The following FBLN7 variants were observed in gnomAD, a reference collection of about 807,000 sequenced individuals.
The protein encoded by FBLN7 is fibulin 7, also known as fibulin-7.
In FBLN7, 31 loss-of-function variants were observed where a neutral mutation model predicts 44.0. The ratio of observed to expected loss-of-function variants is 0.70; its 90% CI spans 0.53 to 0.95. The LOEUF (loss-of-function observed/expected upper bound fraction) is 0.95, where lower values mean the gene tolerates loss of function less well. Among genes scored for constraint, FBLN7 ranks in the 40% least tolerant of loss-of-function variants. FBLN7 has a pLI of 0.00. For missense variants in FBLN7, 573 were observed against 618.5 expected, an observed-to-expected ratio of 0.93 and a Z score of 0.78; for synonymous variants, 262 against 253.4, an observed-to-expected ratio of 1.03 and a Z score of -0.32.
the FBLN7 span, among the ~76,000 whole-genome samples, chr2:112,225,946 G>T: frequency 1.3e-5 from 2 of 151,992 alleles, no homozygotes; most frequent in Non-Finnish European, 2.9e-5. Flanking sequence ...GCCGGGTGTG[G>T]TGGCGCACAC....
chr2:112,174,156 C>T (rs937755280), intron 3 of FBLN7, among the ~76,000 whole-genome samples: 19 of 152,198 alleles, frequency 1.2e-4, no homozygotes, highest in African/African-American at 3.9e-4. Context: ...TTCCAGACTA[C>T]GCTGGTGGGC....
intron 1 of FBLN7, among the ~76,000 whole-genome samples, chr2:112,143,901 TG>T (rs1316326476): frequency 2.6e-5 from 4 of 152,210 alleles, no homozygotes; most frequent in African/African-American, 7.2e-5. Context: ...GTCATATAAA[TG>T]GAAAAGAGTA....
At chr2:112,227,785 C>A in the FBLN7 span, among the ~76,000 whole-genome samples, 3 of 151,522 alleles carry the variant, frequency 2.0e-5, no homozygotes, top group African/African-American at 4.8e-5. Flanking sequence ...TACACTTGTA[C>A]AGTGAAAATT....
At chr2:112,190,579 CAT>C (rs1427391192), downstream of FBLN7, 2 of 152,130 alleles carry the variant, frequency 1.3e-5, no homozygotes, top group East Asian at 3.8e-4. Flanking sequence ...CTGATGTTAT[CAT>C]GTGTGTTATC....
At chr2:112,215,034 A>G in the FBLN7 span, 1 of 151,996 alleles carries the variant, frequency 6.6e-6, no homozygotes, top group African/African-American at 2.4e-5. Flanking sequence ...TATAACAATT[A>G]TTTTTTTCCT....
chr2:112,218,679 T>TAG, the FBLN7 span, among the ~76,000 whole-genome samples: 19 of 151,768 alleles, frequency 1.3e-4, no homozygotes, highest in East Asian at 1.7e-3. Flanking sequence ...TTTGGAAACA[T>TAG]AGAGAGAGAG....
chr2:112,236,299 T>C, the FBLN7 span, among the ~76,000 whole-genome samples: 1 of 152,090 alleles, frequency 6.6e-6, no homozygotes, highest in African/African-American at 2.4e-5. Flanking sequence ...AAGGAGCTTG[T>C]GTGCATATAT....
chr2:112,227,386 G>A, the FBLN7 span, among the ~76,000 whole-genome samples: 20 of 152,292 alleles, frequency 1.3e-4, no homozygotes, highest in South Asian at 3.3e-3. Context: ...TTAGCCGGGC[G>A]TGGTGGCAGA....
chr2:112,226,831 C>T, the FBLN7 span, among the ~76,000 whole-genome samples: 2 of 151,906 alleles, frequency 1.3e-5, no homozygotes, highest in Admixed American at 1.3e-4. Flanking sequence ...AAAATATTAG[C>T]CAATGAAATC....
At chr2:112,198,573 G>A in the FBLN7 span, among the ~76,000 whole-genome samples, 1 of 151,818 alleles carries the variant, frequency 6.6e-6, no homozygotes, top group Non-Finnish European at 1.5e-5. Context: ...GGAGACAGAG[G>A]TTGCAGTGAG....
chr2:112,235,162 C>T, the FBLN7 span, among the ~76,000 whole-genome samples: 1 of 152,184 alleles, frequency 6.6e-6, no homozygotes, highest in Non-Finnish European at 1.5e-5. Context: ...CAAATTTTTG[C>T]ATACAGTTTT....
the FBLN7 span, among the ~76,000 whole-genome samples, chr2:112,221,699 C>T: frequency 0.011 from 1,700 of 152,120 alleles, 17 homozygotes; most frequent in Non-Finnish European, 0.019. Context: ...CTAGTGTGTT[C>T]TTCAGCTTTA....
intron 1 of FBLN7, among the ~76,000 whole-genome samples, chr2:112,140,001 C>T (rs1263647505): frequency 1.1e-5 from 1 of 91,522 alleles, no homozygotes; most frequent in Non-Finnish European, 2.1e-5. Context: ...TCCCTCCCGC[C>T]TCTCTCCAGG....
the FBLN7 span, among the ~76,000 whole-genome samples, chr2:112,195,296 GA>G: frequency 6.6e-6 from 1 of 152,214 alleles, no homozygotes; most frequent in African/African-American, 2.4e-5. Flanking sequence ...TCTTTAGGGG[GA>G]AAGTGTGCTC....
chr2:112,197,266 CACACACACAG>C, the FBLN7 span, among the ~76,000 whole-genome samples: 43 of 130,164 alleles, frequency 3.3e-4, no homozygotes, highest in South Asian at 5.3e-4. Flanking sequence ...CACACACACA[CACACACACAG>C]AGAGAGAGAG....
chr2:112,182,028 G>C (rs1247645961), intron 5 of FBLN7, 152 bp downstream of exon 5: 7 of 952,434 alleles, frequency 7.3e-6, no homozygotes, highest in African/African-American at 1.7e-5. Flanking sequence ...GGTAAGTGTT[G>C]ACCTAGTGAT....
downstream of FBLN7, among the ~76,000 whole-genome samples, chr2:112,191,506 CCT>C (rs1419317993): frequency 6.6e-6 from 1 of 152,038 alleles, no homozygotes; most frequent in East Asian, 1.9e-4. Context: ...CTTCATTGAT[CCT>C]CTATCTGCTC....
chr2:112,238,080 T>C, the FBLN7 span, among the ~76,000 whole-genome samples: 1 of 152,254 alleles, frequency 6.6e-6, no homozygotes, highest in East Asian at 1.9e-4. Flanking sequence ...GTCAGGGCCT[T>C]TGATAACCCA....
In FBLN7 at chr2:112,187,664, T is replaced by G; in HGVS notation, c.*158T>G. 1.0e-6 allele frequency: 1 copy of G among 983,194 alleles called. No homozygotes were observed. The highest frequency in any genetic ancestry group is 1.6e-5 in the African/African-American group (1 of 61,512). The allele number at this position is 983,194 out of a possible 1,614,324, so 60.9% of individuals were successfully genotyped here. On this transcript the variant is annotated 3_prime_UTR_variant, in exon 8 of 8. Coordinates refer to ENST00000331203, the MANE Select transcript of FBLN7 (RefSeq NM_153214.3). The surrounding 1 kb of genome is among the most constrained non-coding windows in gnomAD (Gnocchi z 5.1). ...CAGCGTTGCACGGCGCCCCATGGAATAGCACGGAAGAGCAGCCACAAAACT... is the reference window on the plus strand; with the variant it reads ...CAGCGTTGCACGGCGCCCCATGGAAGAGCACGGAAGAGCAGCCACAAAACT...
Sources: allele counts gnomAD v4.1 joint callset (sites outside exome capture counted in the v4.1 genomes callset), GRCh38; gene constraint gnomAD v4.1.1; non-coding constraint Gnocchi (gnomAD v3.1); transcripts MANE v1.5; gene names NCBI Gene and HGNC (gene_info 2026-07-23, HGNC 2026-07-21).